Variants in SYT2 observed in about 807,000 individuals in gnomAD.
SYT2 encodes synaptotagmin 2.
Under a neutral mutation model 39.9 loss-of-function variants are expected in SYT2, and 15 were observed. The observed-to-expected ratio is 0.38, with a 90% CI of 0.25 to 0.58. SYT2 has a LOEUF of 0.58. SYT2 is among the 20% of genes least tolerant of loss of function. The pLI, the probability that SYT2 is intolerant of heterozygous loss-of-function variation, is 0.70. For missense variants in SYT2, 389 were observed against 530.3 expected (o/e 0.73, Z 2.62); for synonymous variants, 181 against 204.5 (o/e 0.89, Z 0.98).
rs1690964534 is a variant in SYT2 at position 202,614,206 on chromosome 1, A to G, written c.-17-8417T>C. On this transcript the variant is annotated intron_variant, in intron 1 of 8. Transcript: ENST00000367268. This position sits in a 1 kb window ranked among gnomAD's most constrained non-coding sequence, Gnocchi z 4.0. Reference sequence around the variant, plus strand: ...AAGACGCTTAATGCTCCTGAGGTTCAGGGAATCTGCAGGCCAGGAATGAAG... The same window carrying G: ...AAGACGCTTAATGCTCCTGAGGTTCGGGGAATCTGCAGGCCAGGAATGAAG... Among the ~76,000 whole-genome samples, 1 of 152,216 alleles carries G rather than the reference A, an allele frequency of 6.6e-6. No homozygotes were observed. The highest frequency in any genetic ancestry group is 2.1e-4 in the South Asian group (1 of 4,832).
rs762672069 is a variant in SYT2, at chr1:202,593,724, G to A, written c.*3033C>T. Reference sequence around the variant, plus strand: ...ATCCCTTCTGGAACAATTATTCAGGGAGGAAGAAGAAAACGAACTTTCAGA... The same window carrying A: ...ATCCCTTCTGGAACAATTATTCAGGAAGGAAGAAGAAAACGAACTTTCAGA... On this transcript the variant is annotated 3_prime_UTR_variant, in exon 9 of 9. Coordinates refer to ENST00000367268, the MANE Select transcript of SYT2 (RefSeq NM_177402.5). 3 of 152,114 alleles carry A rather than the reference G, an allele frequency of 2.0e-5. No individual in the cohort carries two copies. The highest frequency in any genetic ancestry group is 2.9e-5 in the Non-Finnish European group (2 of 68,042). 9.4% of individuals were successfully genotyped at this position (152,114 alleles called of 1,614,324 possible).
chr1:202,701,152 T>C (rs1281463733), intron 1 of SYT2, among the ~76,000 whole-genome samples: 1 of 152,242 alleles, frequency 6.6e-6, no homozygotes, highest in African/African-American at 2.4e-5. Context: ...AAAATTCTAA[T>C]TTTTGCTTGA....
chr1:202,671,343 C>A (rs966374898), intron 1 of SYT2, among the ~76,000 whole-genome samples: 6 of 152,230 alleles, frequency 3.9e-5, no homozygotes, highest in African/African-American at 1.4e-4. Context: ...CCCAGCACAG[C>A]ACCAGGGCAG....
At chr1:202,704,511 A>G (rs1006254952) in intron 1 of SYT2, among the ~76,000 whole-genome samples, 1 of 152,176 alleles carries the variant, frequency 6.6e-6, no homozygotes, top group Non-Finnish European at 1.5e-5. Flanking sequence ...ACCTGCACGC[A>G]AGGGTTGACT....
intron 1 of SYT2, among the ~76,000 whole-genome samples, chr1:202,662,229 T>C (rs1692395586): frequency 6.6e-6 from 1 of 152,198 alleles, no homozygotes; most frequent in African/African-American, 2.4e-5. Flanking sequence ...AGGCATAGTG[T>C]ATGCGAGTTG....
chr1:202,625,178 C>G (rs796319191), intron 1 of SYT2, among the ~76,000 whole-genome samples: 9 of 864 alleles, frequency 0.01, no homozygotes, highest in East Asian at 0.033. Flanking sequence ...GTGTGTGTGT[C>G]GTGTGTGTGG....
intron 1 of SYT2, among the ~76,000 whole-genome samples, chr1:202,688,447 T>C (rs1038575774): frequency 2.9e-4 from 44 of 152,140 alleles, no homozygotes; most frequent in African/African-American, 1.0e-3. Flanking sequence ...TCCTCCCTGT[T>C]CCCCCTGCAA....
rs78755030 is a variant in SYT2 at position 202,644,685 on chromosome 1, C to T, written c.-17-38896G>A. On this transcript the variant is annotated intron_variant, in intron 1 of 8. Coordinates refer to ENST00000367268, the MANE Select transcript of SYT2 (RefSeq NM_177402.5). ...GTTTGACCCAGGAAGTGACATTCCT[C>T]ATCCCCCAACCCACACACACAAAAA... 3.3e-3 allele frequency among the ~76,000 whole-genome samples: 499 copies of T among 152,214 alleles called. 13 individuals are homozygous for T. In the East Asian group the frequency reaches 0.063, roughly 19 times the overall value.
rs987890082 is a variant in SYT2, at chr1:202,604,324, T to TGA, written c.345+129_345+130dup. 3.9e-5 allele frequency: 35 copies of TGA among 907,140 alleles called. No individual in the cohort carries two copies. The Admixed American group carries it at 5.3e-4, about 14-fold the overall frequency. 56.2% of individuals were successfully genotyped at this position (907,140 alleles called of 1,614,324 possible). A position where few individuals can be genotyped will look rare whatever the true frequency, so the allele number is the denominator to read the frequency against. ...GACGGTGTTATACTAGAGATGTAAC[T>TGA]GAGAGAGCCAAGTTTTAAGGAGGGG... On this transcript the variant is annotated intron_variant, in intron 3 of 8. Coordinates refer to ENST00000367268, the MANE Select transcript of SYT2 (RefSeq NM_177402.5).
chr1:202,669,814 T>C (rs112711469), intron 1 of SYT2, among the ~76,000 whole-genome samples: 1,759 of 150,898 alleles, frequency 0.012, 26 homozygotes, highest in African/African-American at 0.041. Context: ...TTCAAGACCA[T>C]AGTTGAGTAG....
intron 8 of SYT2, among the ~76,000 whole-genome samples, chr1:202,598,878 G>A (rs1690393395): frequency 6.6e-6 from 1 of 152,154 alleles, no homozygotes; most frequent in Admixed American, 6.5e-5. Context: ...GGAGAGGATG[G>A]AGGTGGCAGC....
intron 6 of SYT2, among the ~76,000 whole-genome samples, chr1:202,600,806 A>G (rs979544421): frequency 6.6e-6 from 1 of 152,064 alleles, no homozygotes; most frequent in African/African-American, 2.4e-5. Flanking sequence ...GGTTGGGAGT[A>G]TGTTTGGGCT....
intron 1 of SYT2, among the ~76,000 whole-genome samples, chr1:202,688,945 GGT>G (rs1653747727): frequency 6.6e-6 from 1 of 152,178 alleles, no homozygotes; most frequent in Non-Finnish European, 1.5e-5. Flanking sequence ...GTCAGGACAT[GGT>G]GTTCTAGATG....
intron 1 of SYT2, among the ~76,000 whole-genome samples, chr1:202,609,409 T>C (rs1462336800): frequency 6.6e-6 from 1 of 152,192 alleles, no homozygotes; most frequent in African/African-American, 2.4e-5. Flanking sequence ...ATATACCCAG[T>C]AATGGGATTG....
intron 1 of SYT2, among the ~76,000 whole-genome samples, chr1:202,620,617 G>A (rs536217391): frequency 6.6e-6 from 1 of 152,052 alleles, no homozygotes; most frequent in East Asian, 1.9e-4. Context: ...CCTGTTATAA[G>A]CCCTCTTATA....
intron 1 of SYT2, among the ~76,000 whole-genome samples, chr1:202,627,811 A>G (rs768924528): frequency 6.6e-6 from 1 of 152,184 alleles, no homozygotes; most frequent in Non-Finnish European, 1.5e-5. Context: ...GGAATACAAG[A>G]TGAATAAAAC....
At chr1:202,709,587 C>G (rs533290353) in intron 1 of SYT2, among the ~76,000 whole-genome samples, 2 of 152,340 alleles carry the variant, frequency 1.3e-5, no homozygotes, top group East Asian at 3.9e-4. Flanking sequence ...GGGGACAGAG[C>G]TGAAGCAGGG....
intron 1 of SYT2, among the ~76,000 whole-genome samples, chr1:202,619,588 A>G (rs889002003): frequency 3.3e-5 from 5 of 152,250 alleles, no homozygotes; most frequent in Admixed American, 6.5e-5. Flanking sequence ...TAACTCAGAA[A>G]ACTCAGTGGA....
At chr1:202,709,354 G>T (rs1358168467) in intron 1 of SYT2, among the ~76,000 whole-genome samples, 3 of 152,226 alleles carry the variant, frequency 2.0e-5, no homozygotes, top group Admixed American at 6.5e-5. Flanking sequence ...CCTGTGGAAT[G>T]TGGGGATGAA....
Sources: gnomAD v4.1 joint callset for allele counts (sites outside exome capture counted in the v4.1 genomes callset) on GRCh38, gnomAD v4.1.1 for gene constraint, Gnocchi (gnomAD v3.1) non-coding constraint, MANE v1.5 for transcripts, NCBI Gene and HGNC (gene_info 2026-07-23, HGNC 2026-07-21) for gene names.